Variants in METTL15 observed in about 807,000 individuals in gnomAD.
METTL15 encodes the protein 12S rRNA N(4)-cytidine methyltransferase METTL15.
METTL15 carries 34 observed loss-of-function variants against 38.3 expected under a neutral mutation model. The ratio of observed to expected loss-of-function variants is 0.89; its 90% CI spans 0.68 to 1.18. The LOEUF (loss-of-function observed/expected upper bound fraction) is 1.18, where lower values mean the gene tolerates loss of function less well. Ranked by LOEUF, METTL15 falls within the 50% of genes most tolerant of loss-of-function variation. The pLI is 0.00. For synonymous variants in METTL15, 162 were observed against 170.9 expected, an observed-to-expected ratio of 0.95 and a Z score of 0.41; for missense variants, 438 against 498.4, an observed-to-expected ratio of 0.88 and a Z score of 1.15.
intron 5 of METTL15, among the ~76,000 whole-genome samples, chr11:28,388,861 G>A (rs1446923327): frequency 1.3e-5 from 2 of 151,920 alleles, no homozygotes; most frequent in Non-Finnish European, 2.9e-5. Flanking sequence ...GCCCCGGTGT[G>A]TGATGTTCCC....
At chr11:28,235,843 G>A (rs1370502164) in intron 4 of METTL15, among the ~76,000 whole-genome samples, 3 of 152,152 alleles carry the variant, frequency 2.0e-5, no homozygotes, top group Non-Finnish European at 4.4e-5. Context: ...CCCACACTAT[G>A]TTGAATAGGA....
intron 5 of METTL15, among the ~76,000 whole-genome samples, chr11:28,387,461 A>T (rs1268411435): frequency 1.3e-5 from 2 of 152,122 alleles, no homozygotes; most frequent in Admixed American, 1.3e-4. Context: ...GGATATATTT[A>T]CAGAACCATG....
chr11:28,231,545 C>T (rs1456619807), intron 4 of METTL15, among the ~76,000 whole-genome samples: 1 of 151,642 alleles, frequency 6.6e-6, no homozygotes, highest in African/African-American at 2.4e-5. Flanking sequence ...TTCTGCTTAC[C>T]ACAGGAGGCC....
chr11:28,113,694 G>A (rs1851821123), intron 3 of METTL15, 90 bp downstream of exon 3: 1 of 1,398,794 alleles, frequency 7.1e-7, no homozygotes, highest in Non-Finnish European at 9.7e-7. Context: ...ACAATTCAGT[G>A]GCCTTTAGTA....
intron 4 of METTL15, among the ~76,000 whole-genome samples, chr11:28,361,287 G>C (rs1335163922): frequency 6.6e-6 from 1 of 151,202 alleles, no homozygotes; most frequent in African/African-American, 2.4e-5. Flanking sequence ...CAGTGTAAAA[G>C]TGTTCCTATT....
rs529961458 is a variant in METTL15, at chr11:28,269,125, AC to A, written c.408-21077del. On this transcript the variant is annotated intron_variant, in intron 4 of 6. Transcript: ENST00000407364. ...TGACATGTAACTTGCTGTACCTGAAACCCCAAGTGATCCAGTTATTGGAGTG... is the reference window on the plus strand; with the variant it reads ...TGACATGTAACTTGCTGTACCTGAAACCCAAGTGATCCAGTTATTGGAGTG... Among the ~76,000 whole-genome samples the A allele has an allele frequency of 1.6e-3, 251 of 152,292 alleles. 5 individuals are homozygous for A. In the South Asian group the frequency reaches 0.049, roughly 30 times the overall value.
At chr11:28,426,213 C>T (rs1033797307) in intron 6 of METTL15, among the ~76,000 whole-genome samples, 2 of 152,104 alleles carry the variant, frequency 1.3e-5, no homozygotes, top group African/African-American at 4.8e-5. Context: ...GTTTTCTGTC[C>T]CTGTGTTAAT....
At chr11:28,207,102 C>A (rs1445563711) in intron 3 of METTL15, among the ~76,000 whole-genome samples, 1 of 148,382 alleles carries the variant, frequency 6.7e-6, no homozygotes. Flanking sequence ...CCTTTTATTT[C>A]CTTCTCTTGC....
At chr11:28,215,391 G>A (rs1458674115) in intron 4 of METTL15, among the ~76,000 whole-genome samples, 3 of 151,920 alleles carry the variant, frequency 2.0e-5, no homozygotes, top group Non-Finnish European at 4.4e-5. Context: ...AAGGGGTTCT[G>A]GTTTCTATGA....
intron 4 of METTL15, among the ~76,000 whole-genome samples, chr11:28,276,229 TA>T (rs1370763922): frequency 6.6e-6 from 1 of 152,078 alleles, no homozygotes; most frequent in Admixed American, 6.6e-5. Flanking sequence ...TTAGATTTAA[TA>T]AATGAATTCA....
chr11:28,162,604 A>G (rs904226055), intron 3 of METTL15, among the ~76,000 whole-genome samples: 2 of 152,154 alleles, frequency 1.3e-5, no homozygotes, highest in African/African-American at 4.8e-5. Context: ...AGATGTCATA[A>G]GTCAAAAATG....
At chr11:28,213,927 T>C (rs1050751876) in intron 4 of METTL15, among the ~76,000 whole-genome samples, 7 of 152,162 alleles carry the variant, frequency 4.6e-5, no homozygotes, top group African/African-American at 1.7e-4. Context: ...AGTGCTGGGA[T>C]TACAGGTGTG....
At chr11:28,198,023 T>C (rs1480953201) in intron 3 of METTL15, among the ~76,000 whole-genome samples, 2 of 152,144 alleles carry the variant, frequency 1.3e-5, no homozygotes. Context: ...ATAAACAGTC[T>C]ATATATTTAG....
chr11:28,308,150 C>T (rs1307553059), intron 6 of METTL15, among the ~76,000 whole-genome samples: 1 of 151,914 alleles, frequency 6.6e-6, no homozygotes, highest in African/African-American at 2.4e-5. Context: ...AATGAAAAGT[C>T]TGCTTGTCTT....
intron 6 of METTL15, among the ~76,000 whole-genome samples, chr11:28,441,776 T>G (rs1241369347): frequency 2.0e-5 from 3 of 152,220 alleles, no homozygotes; most frequent in Admixed American, 1.3e-4. Context: ...GCATTCATTT[T>G]TCCATAAGAT....
At chr11:28,359,392 A>G (rs1209135596) in intron 4 of METTL15, among the ~76,000 whole-genome samples, 3 of 152,192 alleles carry the variant, frequency 2.0e-5, no homozygotes, top group Admixed American at 6.5e-5. Context: ...ATATGAGTGC[A>G]TGTATTTTTT....
chr11:28,479,965 G>C (rs1031013019), intron 6 of METTL15, among the ~76,000 whole-genome samples: 1 of 152,138 alleles, frequency 6.6e-6, no homozygotes, highest in African/African-American at 2.4e-5. Flanking sequence ...ATTGATGAAT[G>C]AGTGTAGTTC....
chr11:28,416,282 C>T (rs1850771589), intron 5 of METTL15, among the ~76,000 whole-genome samples: 1 of 152,142 alleles, frequency 6.6e-6, no homozygotes. Context: ...CAACAAGTTG[C>T]CCTGTGGTCA....
intron 4 of METTL15, among the ~76,000 whole-genome samples, chr11:28,253,256 G>A (rs61889026): frequency 0.19 from 28,932 of 152,084 alleles, 3,160 homozygotes; most frequent in Non-Finnish European, 0.25. Flanking sequence ...TCCTATCTCA[G>A]TAATTGGCAC....
Sources: allele counts gnomAD v4.1 joint callset (sites outside exome capture counted in the v4.1 genomes callset), GRCh38; gene constraint gnomAD v4.1.1; transcripts MANE v1.5; gene names NCBI Gene and HGNC (gene_info 2026-07-23, HGNC 2026-07-21).